The following VAV3 variants were observed in gnomAD, a reference collection of about 807,000 sequenced individuals.
VAV3 encodes the protein guanine nucleotide exchange factor VAV3.
VAV3 carries 94 observed loss-of-function variants against 131.2 expected under a neutral mutation model. That is an observed-to-expected ratio of 0.72 (90% confidence interval 0.61 to 0.85). The LOEUF (loss-of-function observed/expected upper bound fraction) is 0.85, where lower values mean the gene tolerates loss of function less well. VAV3 is among the 40% of genes least tolerant of loss of function. The probability of loss-of-function intolerance (pLI) is 0.00; values close to 1 mark genes in which losing one functional copy is unlikely to be tolerated. For synonymous variants in VAV3, 349 were observed against 342.0 expected (o/e 1.02, Z -0.22); for missense variants, 939 against 1,002.7 (o/e 0.94, Z 0.86).
At chr1:107,822,657 AAAATAAATAAATAAATAAAT>A (rs139004980) in intron 2 of VAV3, among the ~76,000 whole-genome samples, 1 of 141,634 alleles carries the variant, frequency 7.1e-6, no homozygotes, top group Non-Finnish European at 1.5e-5. Flanking sequence ...CATCTCAAAA[AAAATAAATAAATAAATAAAT>A]AAATAAATAA....
At chr1:107,668,087 T>C (rs1185827916) in intron 19 of VAV3, among the ~76,000 whole-genome samples, 5 of 152,206 alleles carry the variant, frequency 3.3e-5, no homozygotes, top group African/African-American at 7.2e-5. Context: ...TCTCCTTTCA[T>C]TTGATATTGA....
At chr1:107,635,903 G>A (rs935073028) in intron 20 of VAV3, among the ~76,000 whole-genome samples, 1 of 152,138 alleles carries the variant, frequency 6.6e-6, no homozygotes, top group African/African-American at 2.4e-5. Context: ...GTGTCTTTGG[G>A]CAGACTATTC....
rs2101663427 is a variant in VAV3, at chr1:107,669,400, T to C, written c.1777+14088A>G. ...CCCATGTCCTCAGAATTTCTTGTTC[T>C]TCTTTTGGCTTTTTACAATGCTTCT... On this transcript the variant is annotated intron_variant, in intron 19 of 26. Transcript: ENST00000370056. 3 of 1,289,796 alleles carry C rather than the reference T, an allele frequency of 2.3e-6. 1 individual carries two copies. The highest frequency in any genetic ancestry group is 4.3e-4 in the Middle Eastern group (2 of 4,696). 79.9% of individuals were successfully genotyped at this position (1,289,796 alleles called of 1,614,324 possible).
intron 2 of VAV3, among the ~76,000 whole-genome samples, chr1:107,838,353 T>A (rs1668563035): frequency 6.6e-6 from 1 of 152,090 alleles, no homozygotes; most frequent in African/African-American, 2.4e-5. Flanking sequence ...ACATAAATGT[T>A]CAACATCACT....
chr1:107,596,993 A>G (rs902676017), intron 24 of VAV3, among the ~76,000 whole-genome samples: 3 of 152,186 alleles, frequency 2.0e-5, no homozygotes, highest in Non-Finnish European at 4.4e-5. Context: ...CATCCTTCAG[A>G]CTATCGTTTC....
At chr1:107,836,548 T>C (rs952059967) in intron 2 of VAV3, among the ~76,000 whole-genome samples, 2 of 151,956 alleles carry the variant, frequency 1.3e-5, no homozygotes, top group African/African-American at 4.8e-5. Context: ...AGCTCAAAAC[T>C]AGCAGAAGAA....
chr1:107,764,522 TTTTTA>T (rs1664626719), intron 9 of VAV3, among the ~76,000 whole-genome samples: 1 of 152,216 alleles, frequency 6.6e-6, no homozygotes, highest in Non-Finnish European at 1.5e-5. Flanking sequence ...GTAAACATCT[TTTTTA>T]TTTTGTTTTT....
At chr1:107,609,770 C>G in intron 22 of VAV3, 161 bp downstream of exon 22, 1 of 690,044 alleles carries the variant, frequency 1.4e-6, no homozygotes, top group South Asian at 2.0e-5. Context: ...ATGGAAAGGT[C>G]AGCAATACAT....
intron 21 of VAV3, among the ~76,000 whole-genome samples, chr1:107,613,864 A>G (rs1258756047): frequency 2.0e-5 from 3 of 151,938 alleles, no homozygotes; most frequent in African/African-American, 7.2e-5. Context: ...TTTAATTTTT[A>G]TTTTTTATTT....
intron 1 of VAV3, among the ~76,000 whole-genome samples, chr1:107,946,587 G>C (rs527587140): frequency 6.6e-6 from 1 of 152,040 alleles, no homozygotes; most frequent in Non-Finnish European, 1.5e-5. Flanking sequence ...ATCCAAAGGG[G>C]GAAAATAATC....
At chr1:107,689,424 T>G (rs1233467270) in intron 17 of VAV3, among the ~76,000 whole-genome samples, 1 of 152,078 alleles carries the variant, frequency 6.6e-6, no homozygotes, top group African/African-American at 2.4e-5. Flanking sequence ...CCAGGCCACC[T>G]GACTAGCTGC....
At chr1:107,759,459 A>G (rs1008206702) in intron 10 of VAV3, among the ~76,000 whole-genome samples, 1 of 152,196 alleles carries the variant, frequency 6.6e-6, no homozygotes, top group Non-Finnish European at 1.5e-5. Context: ...CCACTAAAGT[A>G]TAGTAGTAAG....
intron 18 of VAV3, 92 bp from the exon 19 acceptor site, chr1:107,683,625 T>C (rs1658807363): frequency 8.1e-7 from 1 of 1,240,192 alleles, no homozygotes; most frequent in Non-Finnish European, 1.2e-6. Context: ...GGAAAGCAAA[T>C]GAATGTTGCA....
intron 1 of VAV3, among the ~76,000 whole-genome samples, chr1:107,916,184 C>T (rs1672612550): frequency 6.6e-6 from 1 of 151,204 alleles, no homozygotes; most frequent in Non-Finnish European, 1.5e-5. Flanking sequence ...GTGTTGCACA[C>T]AAAAAAATAT....
At chr1:107,612,625 C>T (rs990638918) in intron 21 of VAV3, among the ~76,000 whole-genome samples, 2 of 152,078 alleles carry the variant, frequency 1.3e-5, no homozygotes, top group Admixed American at 6.6e-5. Context: ...TTTTCCTGCT[C>T]CTTTGCATAC....
At chr1:107,892,224 A>G (rs911467728) in intron 1 of VAV3, among the ~76,000 whole-genome samples, 7 of 152,104 alleles carry the variant, frequency 4.6e-5, no homozygotes, top group African/African-American at 1.4e-4. Context: ...TAATATGGGG[A>G]AAATTACGTT....
chr1:107,676,766 G>T (rs762304896), intron 19 of VAV3, among the ~76,000 whole-genome samples: 4 of 152,072 alleles, frequency 2.6e-5, no homozygotes, highest in Non-Finnish European at 4.4e-5. Flanking sequence ...GTCTGTTTTA[G>T]ATATTTTGTT....
At chr1:107,891,007 G>C (rs1671284824) in intron 1 of VAV3, among the ~76,000 whole-genome samples, 1 of 152,190 alleles carries the variant, frequency 6.6e-6, no homozygotes, top group South Asian at 2.1e-4. Flanking sequence ...AATATTATGT[G>C]AATTTTAAAT....
chr1:107,925,852 T>C (rs1673124858), intron 1 of VAV3, among the ~76,000 whole-genome samples: 1 of 151,282 alleles, frequency 6.6e-6, no homozygotes, highest in Middle Eastern at 3.5e-3. Flanking sequence ...ATATACCATA[T>C]ATGTATATAT....
Sources: allele counts gnomAD v4.1 joint callset (sites outside exome capture counted in the v4.1 genomes callset), GRCh38; gene constraint gnomAD v4.1.1; transcripts MANE v1.5; gene names NCBI Gene and HGNC (gene_info 2026-07-23, HGNC 2026-07-21).